The following G6PC1 variants were observed in gnomAD, a reference collection of about 807,000 sequenced individuals.
The protein encoded by G6PC1 is G-6-Pase.
In G6PC1, 23 loss-of-function variants were observed where a neutral mutation model predicts 30.4. The ratio of observed to expected loss-of-function variants is 0.76; its 90% CI spans 0.55 to 1.07. The LOEUF is 1.07. G6PC1 is among the 50% of genes least tolerant of loss of function. The pLI is 0.00. For missense variants in G6PC1, 391 were observed against 433.9 expected, an observed-to-expected ratio of 0.90 and a Z score of 0.88; for synonymous variants, 163 against 175.6, an observed-to-expected ratio of 0.93 and a Z score of 0.57.
In G6PC1 at chr17:42,911,478, G is replaced by C. The variant is rs746889750; in HGVS notation, c.*52G>C. On this transcript the variant is annotated 3_prime_UTR_variant, in exon 5 of 5. Transcript: ENST00000253801. ...GTCAACAACCATGCCAGGGATTGAG[G>C]AGGACTACTATTTGAAGCAATGGGC... The C allele has an allele frequency of 3.1e-6, 5 of 1,612,336 alleles. No homozygotes were observed. The African/African-American group carries it at 6.7e-5, about 22-fold the overall frequency.
Position 42,901,089 on chromosome 17 carries a change from C to T in G6PC1, c.213C>T (p.Leu71=). 2 of 1,613,876 alleles carry T rather than the reference C, an allele frequency of 1.2e-6. No individual in the cohort carries two copies. The highest frequency in any genetic ancestry group is 1.7e-6 in the Non-Finnish European group (2 of 1,179,786). ...LLWVAVIGDW[L]NLVFKWILFG... is the part of the protein sequence containing the mutation. The stretch of plus-strand genomic sequence containing the variant: ...GGGTAGCTGTGATTGGAGACTGGCT[C>T]AACCTCGTCTTTAAGTGGTAAGAAC... Residue 71 remains leucine, a synonymous_variant, in exon 1 of 5, where the codon CTC becomes CTT. Transcript: ENST00000253801.
In G6PC1 at chr17:42,911,052, C is replaced by T. The variant is rs1166977526; in HGVS notation, c.700C>T (p.Leu234Phe). 6.2e-7 allele frequency: 1 copy of T among 1,614,042 alleles called. No homozygotes were observed. The highest frequency in any genetic ancestry group is 1.7e-5 in the Admixed American group (1 of 59,990). The change falls in exon 5 of 5, where the codon CTC (leucine) becomes TTC (phenylalanine). Residue 234 changes from leucine (L) to phenylalanine (F), a missense_variant. Transcript: ENST00000253801. ...GCTGCTCAAGGGACTGGGTGTAGACCTCCTGTGGACTCTGGAGAAAGCCCA... is the reference window on the plus strand; with the variant it reads ...GCTGCTCAAGGGACTGGGTGTAGACTTCCTGTGGACTCTGGAGAAAGCCCA... ...YLLLKGLGVD[L>F]LWTLEKAQRW...
At chr17:42,907,725 C>T (rs924385591) in intron 3 of G6PC1, 97 bp downstream of exon 3, 11 of 833,098 alleles carry the variant, frequency 1.3e-5, no homozygotes, top group Middle Eastern at 2.8e-4. Context: ...CCCCCTAGCC[C>T]GCTCCCACAC....
In G6PC1 at chr17:42,904,056, C is replaced by T. The variant is rs2056044052; in HGVS notation, c.340+16C>T. ...ACTGGACCAGGTAAGCGTCCCAGCC[C>T]CTGCAGACAGAAGCTGAGTGGACCT... On this transcript the variant is annotated intron_variant, in intron 2 of 4. Transcript: ENST00000253801. The T allele has an allele frequency of 6.4e-7, 1 of 1,552,712 alleles. No homozygotes were observed. Among genetic ancestry groups the T allele is most frequent in the Non-Finnish European group, 8.9e-7 (1 of 1,124,038 alleles).
In G6PC1 at chr17:42,905,126, C is replaced by G. The variant is rs557859288; in HGVS notation, c.340+1086C>G. Among the ~76,000 whole-genome samples the G allele has an allele frequency of 2.7e-5, 4 of 149,898 alleles. 1 individual carries two copies. The highest frequency in any genetic ancestry group is 9.8e-5 in the African/African-American group (4 of 40,750). On this transcript the variant is annotated intron_variant, in intron 2 of 4. Transcript: ENST00000253801. ...GACTCTGTCTCAAAAAAAAAGTAAA[C>G]TATTAATATGTAGGATAGGCCAGGC...
At chr17:42,908,704 CTT>C (rs751084537) in intron 3 of G6PC1, among the ~76,000 whole-genome samples, 351 of 120,184 alleles carry the variant, frequency 2.9e-3, no homozygotes, top group African/African-American at 0.01. Context: ...CGCGCCTGGC[CTT>C]TTTTTTTTTT....
chr17:42,910,871 C>T (rs2056090456), intron 4 of G6PC1, 44 bp from the exon 5 acceptor site: 3 of 1,604,996 alleles, frequency 1.9e-6, no homozygotes, highest in Admixed American at 1.7e-5. Flanking sequence ...AGCAAAGGTC[C>T]CAAATCCTTC....
intron 1 of G6PC1, among the ~76,000 whole-genome samples, chr17:42,901,997 C>A (rs1358479733): frequency 1.3e-5 from 2 of 152,176 alleles, no homozygotes; most frequent in Admixed American, 1.3e-4. Context: ...GTAGTTACTG[C>A]TATTTACAGA....
Position 42,910,898 on chromosome 17 carries a change from T to A in G6PC1, c.563-17T>A. 2 of 1,613,868 alleles carry A rather than the reference T, an allele frequency of 1.2e-6. No homozygotes were observed. Among genetic ancestry groups the A allele is most frequent in the Non-Finnish European group, 1.7e-6 (2 of 1,179,794 alleles). Reference sequence around the variant, plus strand: ...AAATCCTTCCTATCTCTCACAGTCATGCTTTCTTCCACTCAGGCATTGCTG... The same window carrying A: ...AAATCCTTCCTATCTCTCACAGTCAAGCTTTCTTCCACTCAGGCATTGCTG... On this transcript the variant is annotated splice_polypyrimidine_tract_variant and intron_variant, in intron 4 of 4. Transcript: ENST00000253801.
In G6PC1 at chr17:42,911,016, G is replaced by A. The variant is rs1410392732; in HGVS notation, c.664G>A (p.Gly222Arg). The A allele has an allele frequency of 3.7e-6, 6 of 1,614,120 alleles. No homozygotes were observed. Among genetic ancestry groups the A allele is most frequent in the South Asian group, 1.1e-5 (1 of 91,078 alleles). The change falls in exon 5 of 5, where the codon GGA (glycine) becomes AGA (arginine). Residue 222 changes from glycine to arginine, a missense_variant. Coordinates refer to ENST00000253801, the MANE Select transcript of G6PC1 (RefSeq NM_000151.4). The stretch of plus-strand genomic sequence containing the variant: ...CTTCTTCCTGTTCAGCTTCGCCATC[G>A]GATTTTATCTGCTGCTCAAGGGACT... ...ITFFLFSFAI[G>R]FYLLLKGLGV...
intron 2 of G6PC1, among the ~76,000 whole-genome samples, chr17:42,904,591 C>A (rs1400182481): frequency 6.6e-6 from 1 of 152,148 alleles, no homozygotes; most frequent in Non-Finnish European, 1.5e-5. Flanking sequence ...TTTCCCTGAC[C>A]CCAAAACTAG....
rs1337808552 is a variant in G6PC1, at chr17:42,900,953, C to G, written c.77C>G (p.Ser26Cys). Residue 26 changes from serine (S) to cysteine (C), a missense_variant, in exon 1 of 5, where the codon TCC (serine) becomes TGC (cysteine). Transcript: ENST00000253801. ...TACCTCCAGGTGAATTACCAAGACT[C>G]CCAGGACTGGTTCATCTTGGTGTCC... ...THYLQVNYQD[S>C]QDWFILVSVI... The G allele has an allele frequency of 4.3e-6, 7 of 1,613,470 alleles. No homozygotes were observed. Among genetic ancestry groups the G allele is most frequent in the Non-Finnish European group, 5.9e-6 (7 of 1,179,466 alleles).
intron 3 of G6PC1, 32 bp downstream of exon 3, chr17:42,907,660 G>A: frequency 1.4e-6 from 2 of 1,436,794 alleles, no homozygotes; most frequent in Non-Finnish European, 2.0e-6. Context: ...GTAGGTGGTG[G>A]AGGGCAGGAG....
intron 4 of G6PC1, 81 bp from the exon 5 acceptor site, chr17:42,910,834 G>A: frequency 7.5e-7 from 1 of 1,333,572 alleles, no homozygotes; most frequent in Non-Finnish European, 1.1e-6. Flanking sequence ...CGGATGGCAT[G>A]TCACCCACTC....
intron 2 of G6PC1, among the ~76,000 whole-genome samples, 170 bp from the exon 3 acceptor site, chr17:42,907,353 T>C (rs1041338689): frequency 1.5e-5 from 2 of 136,246 alleles, no homozygotes; most frequent in Non-Finnish European, 3.1e-5. Context: ...AACGAATGGA[T>C]GGTAAGATGG....
chr17:42,912,640 T>C lies in G6PC1; in HGVS notation c.*1214T>C, dbSNP rs200704026. On this transcript the variant is annotated 3_prime_UTR_variant, in exon 5 of 5. Coordinates refer to ENST00000253801, the MANE Select transcript of G6PC1 (RefSeq NM_000151.4). The stretch of plus-strand genomic sequence containing the variant: ...AAGGAAAAGTCAACATCTTCTCTCT[T>C]TTTTTTTTTTTTTGAGACAGGGTCT... 408 of 146,298 alleles carry C rather than the reference T, an allele frequency of 2.8e-3. 1 individual carries two copies. The highest frequency in any genetic ancestry group is 0.01 in the African/African-American group (400 of 39,768). 9.1% of individuals were successfully genotyped at this position (146,298 alleles called of 1,614,324 possible). A position where few individuals can be genotyped will look rare whatever the true frequency, so the allele number is the denominator to read the frequency against.
intron 2 of G6PC1, among the ~76,000 whole-genome samples, chr17:42,905,423 A>G (rs1446719400): frequency 7.4e-6 from 1 of 135,850 alleles, no homozygotes; most frequent in Admixed American, 7.3e-5. Flanking sequence ...CTGAAAAAAA[A>G]AAAAAAATAT....
At chr17:42,909,857 T>C (rs1010063845) in intron 4 of G6PC1, among the ~76,000 whole-genome samples, 1 of 151,276 alleles carries the variant, frequency 6.6e-6, no homozygotes, top group Non-Finnish European at 1.5e-5. Flanking sequence ...GTTTTGAATA[T>C]GTTTTTTTTT....
In G6PC1 at chr17:42,911,261, C is replaced by T. The variant is rs368282218; in HGVS notation, c.909C>T (p.Leu303=). 2.7e-4 allele frequency: 443 copies of T among 1,614,078 alleles called. No homozygotes were observed. The highest frequency in any genetic ancestry group is 3.4e-4 in the Non-Finnish European group (396 of 1,180,040). The change falls in exon 5 of 5, where the codon CTC becomes CTT. Residue 303 remains leucine (L), a synonymous_variant. Transcript: ENST00000253801. ...GCCTCAGCTCTATTGTAGCCTCCCTCGTCCTCCTGCACGTCTTTGACTCCT... is the reference window on the plus strand; with the variant it reads ...GCCTCAGCTCTATTGTAGCCTCCCTTGTCCTCCTGCACGTCTTTGACTCCT... ...PFRLSSIVAS[L]VLLHVFDSLK...
Sources: allele counts gnomAD v4.1 joint callset (sites outside exome capture counted in the v4.1 genomes callset), GRCh38; gene constraint gnomAD v4.1.1; transcripts MANE v1.5; gene names NCBI Gene and HGNC (gene_info 2026-07-23, HGNC 2026-07-21).